TLL1: variants seen among roughly 807,000 people sequenced by gnomAD.
The protein encoded by TLL1 is tolloid like 1.
TLL1 carries 49 observed loss-of-function variants against 128.2 expected under a neutral mutation model. The ratio of observed to expected loss-of-function variants is 0.38; its 90% CI spans 0.30 to 0.48. The LOEUF (loss-of-function observed/expected upper bound fraction) is 0.48, where lower values mean the gene tolerates loss of function less well. Ranked by LOEUF, TLL1 falls within the 20% of genes least tolerant of loss-of-function variation. The pLI is 0.96. For missense variants in TLL1, 1,123 were observed against 1,242.0 expected (o/e 0.90, Z 1.44); for synonymous variants, 454 against 418.8 (o/e 1.08, Z -1.03).
intron 1 of TLL1, among the ~76,000 whole-genome samples, chr4:165,929,319 A>G (rs1561034547): frequency 6.6e-6 from 1 of 152,164 alleles, no homozygotes; most frequent in East Asian, 1.9e-4. Flanking sequence ...TGGGCGGATC[A>G]CGAGGTCAAG....
rs1424432884 is a variant in TLL1, at chr4:165,877,789, TC to T, written c.169+3717del. ...TCCCTTCTTCTTTCTTTTTTTTTTTTCTTTTTTTGTATTTACGGGAATATTA... is the reference window on the plus strand; with the variant it reads ...TCCCTTCTTCTTTCTTTTTTTTTTTTTTTTTTTGTATTTACGGGAATATTA... On this transcript the variant is annotated intron_variant, in intron 1 of 20. Coordinates refer to ENST00000061240, the MANE Select transcript of TLL1 (RefSeq NM_012464.5). 1.2e-3 allele frequency among the ~76,000 whole-genome samples: 184 copies of T among 149,190 alleles called. 1 individual carries two copies. In the East Asian group the frequency reaches 0.023, roughly 19 times the overall value.
intron 8 of TLL1, among the ~76,000 whole-genome samples, chr4:166,015,374 A>G (rs1425971377): frequency 6.6e-6 from 1 of 152,046 alleles, no homozygotes; most frequent in Non-Finnish European, 1.5e-5. Flanking sequence ...ATACAATAAA[A>G]CAATAACTAT....
intron 1 of TLL1, among the ~76,000 whole-genome samples, chr4:165,984,942 ATAGG>A (rs1428906359): frequency 6.6e-6 from 1 of 151,992 alleles, no homozygotes; most frequent in East Asian, 1.9e-4. Flanking sequence ...AATTTGTCAA[ATAGG>A]TAGCACAAGC....
At chr4:165,981,601 T>C (rs928976307) in intron 1 of TLL1, among the ~76,000 whole-genome samples, 1 of 152,056 alleles carries the variant, frequency 6.6e-6, no homozygotes, top group African/African-American at 2.4e-5. Flanking sequence ...TTTGCAGTTA[T>C]TTATAAAGAT....
chr4:166,047,342 T>A (rs1428999270), intron 12 of TLL1, among the ~76,000 whole-genome samples: 3 of 151,626 alleles, frequency 2.0e-5, no homozygotes, highest in Non-Finnish European at 2.9e-5. Flanking sequence ...TTTTTTGTAT[T>A]TTTAGTAGAG....
intron 1 of TLL1, among the ~76,000 whole-genome samples, chr4:165,892,082 C>T (rs968328083): frequency 2.6e-5 from 4 of 152,172 alleles, no homozygotes; most frequent in Admixed American, 6.5e-5. Context: ...GGCGGCAGCA[C>T]GGAGAAGTGC....
At chr4:166,071,890 T>G (rs1740816174) in intron 16 of TLL1, among the ~76,000 whole-genome samples, 1 of 151,988 alleles carries the variant, frequency 6.6e-6, no homozygotes, top group South Asian at 2.1e-4. Flanking sequence ...AAACAAGTGG[T>G]TTTAAAACAA....
intron 9 of TLL1, among the ~76,000 whole-genome samples, chr4:166,026,821 TAG>T (rs755868592): frequency 2.6e-4 from 39 of 152,160 alleles, no homozygotes; most frequent in Non-Finnish European, 4.7e-4. Flanking sequence ...GTTAGAACCA[TAG>T]AGTCTTTAGA....
At chr4:166,002,848 A>G (rs77019793) in intron 5 of TLL1, among the ~76,000 whole-genome samples, 3 of 152,210 alleles carry the variant, frequency 2.0e-5, no homozygotes, top group African/African-American at 7.2e-5. Context: ...ATAAACCAAC[A>G]TCTTTGATAA....
chr4:166,038,346 T>C (rs1560827633), intron 9 of TLL1, among the ~76,000 whole-genome samples: 1 of 152,174 alleles, frequency 6.6e-6, no homozygotes, highest in Admixed American at 6.5e-5. Context: ...TATAGTTTTG[T>C]AGTAGGAGCA....
In TLL1 at chr4:166,102,352, T is replaced by G. The variant is rs1909084; in HGVS notation, c.*1476T>G. 14,160 of 152,414 alleles carry G rather than the reference T, an allele frequency of 0.093. 1,084 individuals carry two copies. The highest frequency in any genetic ancestry group is 0.42 in the East Asian group (2,170 of 5,126). The allele number at this position is 152,414 out of a possible 1,614,324, so 9.4% of individuals were successfully genotyped here. A position where few individuals can be genotyped will look rare whatever the true frequency, so the allele number is the denominator to read the frequency against. The stretch of plus-strand genomic sequence containing the variant: ...TTCTGCTTTAAAGGCATGTGTGTTT[T>G]TAAAATTAATGAATGTAGATGTGTG... On this transcript the variant is annotated 3_prime_UTR_variant, in exon 21 of 21. Transcript: ENST00000061240.
At chr4:166,036,937 T>C (rs982984900) in intron 9 of TLL1, among the ~76,000 whole-genome samples, 1 of 152,120 alleles carries the variant, frequency 6.6e-6, no homozygotes, top group Non-Finnish European at 1.5e-5. Flanking sequence ...TTTTTTTTCC[T>C]CATGAAGAAG....
At chr4:165,932,928 C>T (rs1733594987) in intron 1 of TLL1, among the ~76,000 whole-genome samples, 1 of 152,120 alleles carries the variant, frequency 6.6e-6, no homozygotes, top group South Asian at 2.1e-4. Context: ...TAATACCACT[C>T]TCATCAACTA....
intron 9 of TLL1, among the ~76,000 whole-genome samples, chr4:166,032,289 C>T (rs193254246): frequency 2.6e-5 from 4 of 152,170 alleles, no homozygotes; most frequent in Admixed American, 6.6e-5. Flanking sequence ...GTCAAATTAA[C>T]GTATAGTAAT....
intron 1 of TLL1, among the ~76,000 whole-genome samples, chr4:165,960,288 C>A (rs1190602381): frequency 6.6e-6 from 1 of 151,938 alleles, no homozygotes; most frequent in Non-Finnish European, 1.5e-5. Context: ...CTGAACAGAC[C>A]AATAATGAAT....
At chr4:166,075,907 T>C (rs950921705) in intron 17 of TLL1, among the ~76,000 whole-genome samples, 3 of 152,302 alleles carry the variant, frequency 2.0e-5, no homozygotes, top group Middle Eastern at 3.4e-3. Context: ...GGGATTTTCT[T>C]TTTTTCATTG....
intron 15 of TLL1, 112 bp from the exon 16 acceptor site, chr4:166,065,571 A>C: frequency 5.1e-6 from 6 of 1,171,658 alleles, no homozygotes; most frequent in Non-Finnish European, 7.4e-6. Flanking sequence ...TGTTAGTTCT[A>C]GTTTGACTAC....
chr4:165,981,791 C>G (rs1184026469), intron 1 of TLL1, among the ~76,000 whole-genome samples: 1 of 151,954 alleles, frequency 6.6e-6, no homozygotes, highest in South Asian at 2.1e-4. Context: ...CTCCATTTTC[C>G]TTTAGTAAAT....
rs1730585211 is a variant in TLL1, at chr4:165,873,544, C to G, written c.-361C>G. On this transcript the variant is annotated 5_prime_UTR_variant, in exon 1 of 21. Coordinates refer to ENST00000061240, the MANE Select transcript of TLL1 (RefSeq NM_012464.5). ...GCCCGCGGGGCGCCGCTCGCCGAGC[C>G]GCGGCCGCGGGAAGTTCGGCAGCCA... 1 of 162,788 alleles carries G rather than the reference C, an allele frequency of 6.1e-6. No homozygotes were observed. The highest frequency in any genetic ancestry group is 6.4e-5 in the Admixed American group (1 of 15,514). 10.1% of individuals were successfully genotyped at this position (162,788 alleles called of 1,614,324 possible).
Sources: allele counts gnomAD v4.1 joint callset (sites outside exome capture counted in the v4.1 genomes callset), GRCh38; gene constraint gnomAD v4.1.1; transcripts MANE v1.5; gene names NCBI Gene and HGNC (gene_info 2026-07-23, HGNC 2026-07-21).